Variants in SBF2 observed in about 807,000 individuals in gnomAD.
The protein encoded by SBF2 is SET binding factor 2, also known as myotubularin-related protein 13.
A neutral mutation model predicts 225.2 loss-of-function variants in SBF2; 112 were observed. That is an observed-to-expected ratio of 0.50 (90% CI 0.43 to 0.58). The LOEUF is 0.58. Among genes scored for constraint, SBF2 ranks in the 20% least tolerant of loss-of-function variants. The probability of loss-of-function intolerance (pLI) is 0.00; values close to 1 mark genes in which losing one functional copy is unlikely to be tolerated. For missense variants in SBF2, 1,996 were observed against 2,206.2 expected (o/e 0.90, Z 1.91); for synonymous variants, 763 against 773.3 (o/e 0.99, Z 0.22).
chr11:10,259,971 C>G (rs1322420402), intron 1 of SBF2, among the ~76,000 whole-genome samples: 4 of 152,238 alleles, frequency 2.6e-5, no homozygotes, highest in South Asian at 2.1e-4. Context: ...CAACTAATGC[C>G]TGAATCATAT....
chr11:10,056,167 G>C (rs1014411400), intron 2 of SBF2, among the ~76,000 whole-genome samples: 1 of 152,204 alleles, frequency 6.6e-6, no homozygotes, highest in Non-Finnish European at 1.5e-5. Context: ...TTTGAAGTCA[G>C]GTAACATGAT....
intron 1 of SBF2, among the ~76,000 whole-genome samples, chr11:10,291,690 A>T (rs1388443267): frequency 6.8e-6 from 1 of 146,672 alleles, no homozygotes; most frequent in Non-Finnish European, 1.5e-5. Context: ...ACACACACAC[A>T]CACACACAGA....
chr11:10,074,778 C>T (rs746314768), intron 2 of SBF2, among the ~76,000 whole-genome samples: 1 of 152,102 alleles, frequency 6.6e-6, no homozygotes, highest in Non-Finnish European at 1.5e-5. Flanking sequence ...ATTTTAAATA[C>T]AAGTTTATCC....
chr11:9,840,238 C>G (rs1422292623), intron 25 of SBF2, among the ~76,000 whole-genome samples: 2 of 149,020 alleles, frequency 1.3e-5, no homozygotes, highest in East Asian at 3.9e-4. Context: ...TGTCTCAAAC[C>G]CCGCCCCCAG....
At chr11:10,273,705 A>T (rs1425841673) in intron 1 of SBF2, among the ~76,000 whole-genome samples, 1 of 152,220 alleles carries the variant, frequency 6.6e-6, no homozygotes, top group Non-Finnish European at 1.5e-5. Flanking sequence ...TTAGTGCTGT[A>T]GTTTAAGGCC....
In SBF2 at chr11:10,226,564, G is replaced by A. The variant is rs915739171; in HGVS notation, c.56-32577C>T. ...CTCATTGTTCAATTCCCACCTATGA[G>A]TGAGAACATGAGGTGTTTGGTTTTT... On this transcript the variant is annotated intron_variant, in intron 1 of 39. Transcript: ENST00000256190. 1.1e-4 allele frequency among the ~76,000 whole-genome samples: 16 copies of A among 149,232 alleles called. No homozygotes were observed. In the Admixed American group the frequency reaches 1.1e-3, roughly 10 times the overall value.
At chr11:10,061,032 A>T (rs1950426033) in intron 2 of SBF2, among the ~76,000 whole-genome samples, 1 of 152,168 alleles carries the variant, frequency 6.6e-6, no homozygotes, top group Non-Finnish European at 1.5e-5. Flanking sequence ...CATCTCAAAA[A>T]AAAATAAATA....
intron 28 of SBF2, 72 bp from the exon 29 acceptor site, chr11:9,817,096 A>G (rs558127615): frequency 3.9e-6 from 6 of 1,530,708 alleles, no homozygotes; most frequent in Non-Finnish European, 5.4e-6. Flanking sequence ...AAAAAGGTGC[A>G]TGCTCTGGAG....
At chr11:10,074,768 ATT>A (rs1404767207) in intron 2 of SBF2, among the ~76,000 whole-genome samples, 2 of 152,162 alleles carry the variant, frequency 1.3e-5, no homozygotes, top group African/African-American at 4.8e-5. Context: ...GACACACACA[ATT>A]TTAAATACAA....
intron 2 of SBF2, among the ~76,000 whole-genome samples, chr11:10,103,102 G>T (rs61878626): frequency 6.6e-6 from 1 of 152,092 alleles, no homozygotes; most frequent in African/African-American, 2.4e-5. Context: ...TGTTTGAAAA[G>T]CTGAGTCTCC....
intron 2 of SBF2, 159 bp from the exon 3 acceptor site, chr11:10,043,140 T>C (rs748200078): frequency 5.6e-6 from 4 of 715,784 alleles, no homozygotes; most frequent in Middle Eastern, 4.0e-4. Context: ...TACAGATTCA[T>C]AATGGTGAAA....
intron 3 of SBF2, among the ~76,000 whole-genome samples, chr11:10,033,578 A>C (rs780847040): frequency 3.3e-5 from 5 of 152,084 alleles, no homozygotes; most frequent in African/African-American, 7.2e-5. Flanking sequence ...TAATTTCAAT[A>C]TCTCTCCTAT....
chr11:9,857,477 G>A lies in SBF2; in HGVS notation c.2100+749C>T, dbSNP rs117829582. Reference sequence around the variant, plus strand: ...TTCTGGAGTAGAATGATAATCAGCCGTTAAGGCTGCTTTAAGTTCAATTCA... The same window carrying A: ...TTCTGGAGTAGAATGATAATCAGCCATTAAGGCTGCTTTAAGTTCAATTCA... On this transcript the variant is annotated intron_variant, in intron 18 of 39. Coordinates refer to ENST00000256190, the MANE Select transcript of SBF2 (RefSeq NM_030962.4). Among the ~76,000 whole-genome samples, 335 of 152,284 alleles carry A rather than the reference G, an allele frequency of 2.2e-3. 1 individual carries two copies. Among genetic ancestry groups the A allele is most frequent in the Non-Finnish European group, 3.5e-3 (239 of 68,026 alleles).
intron 9 of SBF2, among the ~76,000 whole-genome samples, chr11:9,994,205 T>C (rs1408142980): frequency 1.3e-5 from 2 of 152,180 alleles, no homozygotes; most frequent in Non-Finnish European, 2.9e-5. Flanking sequence ...CCGGGCGCGG[T>C]GGCTCACGCC....
chr11:10,056,106 G>T (rs1950249541), intron 2 of SBF2, among the ~76,000 whole-genome samples: 1 of 152,132 alleles, frequency 6.6e-6, no homozygotes, highest in Non-Finnish European at 1.5e-5. Context: ...CAGAAGAAAA[G>T]TTTTTGTACC....
Position 9,826,727 on chromosome 11 carries a change from ATATATGTGTG to A in SBF2, c.3793+2619_3793+2628del, listed in dbSNP as rs1439280027. 3.7e-3 allele frequency among the ~76,000 whole-genome samples: 493 copies of A among 132,934 alleles called. 3 individuals are homozygous for A. Among genetic ancestry groups the A allele is most frequent in the South Asian group, 6.1e-3 (25 of 4,100 alleles). The allele number at this position is 132,934 out of a possible 152,430, so 87.2% of individuals were successfully genotyped here. A position where few individuals can be genotyped will look rare whatever the true frequency, so the allele number is the denominator to read the frequency against. On this transcript the variant is annotated intron_variant, in intron 28 of 39. Transcript: ENST00000256190. ...GTGTGTGGTGTGTATATATATATAT[ATATATGTGTG>A]TGTGTGTGTGTGTATGTGTGTGTGT...
intron 6 of SBF2, among the ~76,000 whole-genome samples, chr11:10,013,466 T>G (rs1377310663): frequency 6.6e-6 from 1 of 152,230 alleles, no homozygotes; most frequent in Non-Finnish European, 1.5e-5. Flanking sequence ...AATAAATGTT[T>G]CCAAATTTGT....
At chr11:10,043,844 G>C (rs1949752453) in intron 2 of SBF2, among the ~76,000 whole-genome samples, 1 of 152,112 alleles carries the variant, frequency 6.6e-6, no homozygotes, top group Non-Finnish European at 1.5e-5. Context: ...AAAGTGCCAG[G>C]ATTATAGGCA....
intron 6 of SBF2, among the ~76,000 whole-genome samples, chr11:10,008,103 CCTCCGGTTGA>C (rs1321854277): frequency 6.6e-6 from 1 of 152,182 alleles, no homozygotes; most frequent in Non-Finnish European, 1.5e-5. Flanking sequence ...CATCACAGTT[CCTCCGGTTGA>C]CTCCAATTGG....
Sources: gnomAD v4.1 joint callset for allele counts (sites outside exome capture counted in the v4.1 genomes callset) on GRCh38, gnomAD v4.1.1 for gene constraint, MANE v1.5 for transcripts, NCBI Gene and HGNC (gene_info 2026-07-23, HGNC 2026-07-21) for gene names.